HSPA14: variants seen among roughly 807,000 people sequenced by gnomAD.
The protein encoded by HSPA14 is heat shock 70 kDa protein 14.
HSPA14 carries 37 observed loss-of-function variants against 65.5 expected under a neutral mutation model. That is an observed-to-expected ratio of 0.56 (90% CI 0.43 to 0.74). The LOEUF is 0.74. HSPA14 is among the 30% of genes least tolerant of loss of function. HSPA14 has a pLI of 0.00. For missense variants in HSPA14, 564 were observed against 607.6 expected (o/e 0.93, Z 0.75); for synonymous variants, 203 against 214.2 (o/e 0.95, Z 0.46).
At chr10:14,867,703 C>T in intron 11 of HSPA14, 33 bp from the exon 12 acceptor site, 1 of 1,574,816 alleles carries the variant, frequency 6.3e-7, no homozygotes, top group Non-Finnish European at 8.6e-7. Context: ...AGATAAATAC[C>T]AAAGAGTATG....
chr10:14,843,315 C>T (rs1044551410), intron 3 of HSPA14: 3 of 1,544,312 alleles, frequency 1.9e-6, no homozygotes, highest in South Asian at 1.2e-5. Flanking sequence ...CTGCTGGCTC[C>T]AAGCATTCCC....
At position 14,867,819 on chromosome 10, in the gene HSPA14, G is replaced by A. The variant is rs1832820316; in HGVS notation, c.1290G>A (p.Leu430=). The A allele has an allele frequency of 6.2e-7, 1 of 1,613,948 alleles. No homozygotes were observed. Among genetic ancestry groups the A allele is most frequent in the African/African-American group, 1.3e-5 (1 of 74,900 alleles). Residue 430 remains leucine, a synonymous_variant, in exon 12 of 14, where the codon TTG becomes TTA. Transcript: ENST00000378372. The part of the protein sequence containing the change: ...TPLPARRQHT[L]QAPGSISSVC... ...TGCCAGCTCGAAGACAACACACATT[G>A]CAAGCCCCTGGAAGCATATCTTCAG...
At chr10:14,860,146 C>G (rs1050540603) in intron 10 of HSPA14, among the ~76,000 whole-genome samples, 1 of 151,988 alleles carries the variant, frequency 6.6e-6, no homozygotes, top group Admixed American at 6.6e-5. Flanking sequence ...AATGAGATAC[C>G]TGGTGATTTT....
chr10:14,846,958 G>T (rs576755397), intron 3 of HSPA14: 1 of 985,162 alleles, frequency 1.0e-6, no homozygotes, highest in African/African-American at 1.7e-5. Flanking sequence ...TTTTCTGTTC[G>T]GTAATCCTGG....
At chr10:14,852,556 AC>A in intron 8 of HSPA14, 25 bp downstream of exon 8, 2 of 1,527,618 alleles carry the variant, frequency 1.3e-6, no homozygotes, top group Non-Finnish European at 1.8e-6. Flanking sequence ...CCTGAATAAT[AC>A]CTTCTGATTG....
At chr10:14,838,560 G>A in intron 1 of HSPA14, 101 bp downstream of exon 1, 1 of 1,210,296 alleles carries the variant, frequency 8.3e-7, no homozygotes, top group Non-Finnish European at 1.1e-6. Context: ...CCGGCCTAGG[G>A]ATGTCGTGGA....
At chr10:14,860,381 A>G (rs962817655) in intron 10 of HSPA14, among the ~76,000 whole-genome samples, 3 of 152,214 alleles carry the variant, frequency 2.0e-5, no homozygotes, top group Non-Finnish European at 1.5e-5. Flanking sequence ...TAGTGAGGAT[A>G]TACAGGTAAT....
At chr10:14,850,311 T>C (rs1179361845) in intron 6 of HSPA14, among the ~76,000 whole-genome samples, 1 of 151,604 alleles carries the variant, frequency 6.6e-6, no homozygotes, top group African/African-American at 2.4e-5. Context: ...TTAAATATGG[T>C]GTACCTTCAG....
chr10:14,849,364 G>T, intron 5 of HSPA14: 7 of 484,992 alleles, frequency 1.4e-5, no homozygotes, highest in Non-Finnish European at 2.9e-5. Context: ...AGAACTTGGG[G>T]GTTGGAAGGC....
chr10:14,844,199 G>T (rs377585518), intron 3 of HSPA14: 1 of 1,156,126 alleles, frequency 8.6e-7, no homozygotes, highest in African/African-American at 1.6e-5. Flanking sequence ...TTCCTCATCC[G>T]TAAAATGGGG....
Position 14,854,182 on chromosome 10 carries a change from T to C in HSPA14, c.792T>C (p.Ser264=), listed in dbSNP as rs757455403. Residue 264 remains serine, a synonymous_variant, in exon 9 of 14, where the codon AGT becomes AGC. Transcript: ENST00000378372. Reference sequence around the variant, plus strand: ...GAGCCATGATGAAATTAACGAACAGTGCTGAAGTAGCGAAACATTCTTTGT... The same window carrying C: ...GAGCCATGATGAAATTAACGAACAGCGCTGAAGTAGCGAAACATTCTTTGT... The part of the protein sequence containing the change: ...NARAMMKLTN[S]AEVAKHSLST... 1 of 1,613,768 alleles carries C rather than the reference T, an allele frequency of 6.2e-7. No homozygotes were observed. The highest frequency in any genetic ancestry group is 1.1e-5 in the South Asian group (1 of 90,990).
chr10:14,858,720 GGAA>G (rs899794435), intron 10 of HSPA14, among the ~76,000 whole-genome samples: 2 of 152,178 alleles, frequency 1.3e-5, no homozygotes, highest in Non-Finnish European at 2.9e-5. Flanking sequence ...CCTCTTACGG[GGAA>G]CGGGGAGTGA....
At chr10:14,867,573 A>G (rs1018580642) in intron 11 of HSPA14, among the ~76,000 whole-genome samples, 163 bp from the exon 12 acceptor site, 1 of 152,208 alleles carries the variant, frequency 6.6e-6, no homozygotes, top group African/African-American at 2.4e-5. Flanking sequence ...ATGTTTCAAT[A>G]TATTTTTAAA....
At chr10:14,849,680 T>C (rs1485866418) in intron 5 of HSPA14, 41 bp from the exon 6 acceptor site, 2 of 1,397,038 alleles carry the variant, frequency 1.4e-6, no homozygotes, top group East Asian at 4.6e-5. Flanking sequence ...TCACTTGTCA[T>C]TTTCTTCTGT....
chr10:14,838,787 C>T (rs1045679874), intron 1 of HSPA14, among the ~76,000 whole-genome samples: 1 of 152,032 alleles, frequency 6.6e-6, no homozygotes, highest in Non-Finnish European at 1.5e-5. Context: ...AGCGGGGCCG[C>T]TGGGTGTCCC....
chr10:14,851,779 T>C (rs1434709067), intron 7 of HSPA14, among the ~76,000 whole-genome samples: 1 of 152,232 alleles, frequency 6.6e-6, no homozygotes, highest in Non-Finnish European at 1.5e-5. Flanking sequence ...TCAATATGTC[T>C]TAATAGAATG....
chr10:14,843,519 A>C (rs1564319753), intron 3 of HSPA14: 1 of 1,550,676 alleles, frequency 6.4e-7, no homozygotes, highest in Admixed American at 2.0e-5. Context: ...CTCCTGGGGT[A>C]GCCTCCACAC....
chr10:14,868,501 T>TCACA (rs112132864), intron 12 of HSPA14, among the ~76,000 whole-genome samples: 2,760 of 147,466 alleles, frequency 0.019, 45 homozygotes, highest in African/African-American at 0.047. Flanking sequence ...GCAGTTGCAT[T>TCACA]CACACACACA....
intron 10 of HSPA14, among the ~76,000 whole-genome samples, chr10:14,859,639 C>T (rs900041766): frequency 5.9e-5 from 9 of 152,216 alleles, no homozygotes; most frequent in Middle Eastern, 3.4e-3. Context: ...ATTGATGTAC[C>T]GTCCTTCATA....
Sources: gnomAD v4.1 joint callset for allele counts (sites outside exome capture counted in the v4.1 genomes callset) on GRCh38, gnomAD v4.1.1 for gene constraint, MANE v1.5 for transcripts, NCBI Gene and HGNC (gene_info 2026-07-23, HGNC 2026-07-21) for gene names.